Variants in ARHGAP6 observed in about 807,000 individuals in gnomAD.
ARHGAP6 encodes the protein rho GTPase-activating protein 6.
ARHGAP6 carries 16 observed loss-of-function variants against 55.7 expected under a neutral mutation model. That is an observed-to-expected ratio of 0.29 (90% CI 0.19 to 0.44). ARHGAP6 has a LOEUF of 0.44. Ranked by LOEUF, ARHGAP6 falls within the 20% of genes least tolerant of loss-of-function variation. ARHGAP6 has a pLI of 1.00. For missense variants in ARHGAP6, 698 were observed against 808.9 expected (o/e 0.86, Z 1.66); for synonymous variants, 382 against 360.9 (o/e 1.06, Z -0.66).
intron 1 of ARHGAP6, among the ~76,000 whole-genome samples, chrX:11,312,591 T>C (rs1296367561): frequency 1.8e-5 from 2 of 111,655 alleles, no homozygotes; most frequent in East Asian, 5.6e-4. Context: ...AATGTTTTGG[T>C]ATCCTAGCCT....
At chrX:11,380,112 C>G (rs2049245278) in intron 1 of ARHGAP6, among the ~76,000 whole-genome samples, 1 of 111,138 alleles carries the variant, frequency 9.0e-6, no homozygotes, top group South Asian at 3.8e-4. Context: ...TTATTTGGGC[C>G]AGTAAATACG....
At chrX:11,359,038 T>TA (rs1277142780) in intron 1 of ARHGAP6, among the ~76,000 whole-genome samples, 3 of 112,199 alleles carry the variant, frequency 2.7e-5, no homozygotes, top group Non-Finnish European at 5.6e-5. Context: ...ATTCTGTATG[T>TA]AAAAAAATGG....
intron 1 of ARHGAP6, among the ~76,000 whole-genome samples, chrX:11,548,032 T>TA (rs112050481): frequency 0.024 from 2,579 of 105,926 alleles, 82 homozygotes; most frequent in African/African-American, 0.082. Flanking sequence ...TGGAGAGCTG[T>TA]AAAAAAAAAA....
intron 2 of ARHGAP6, among the ~76,000 whole-genome samples, chrX:11,198,894 TC>T (rs2046580788): frequency 8.9e-6 from 1 of 112,290 alleles, no homozygotes; most frequent in Admixed American, 9.4e-5. Context: ...GCTTCCCTCC[TC>T]CTAGCCCCAG....
At chrX:11,243,964 G>A (rs369539501) in intron 2 of ARHGAP6, among the ~76,000 whole-genome samples, 1 of 111,489 alleles carries the variant, frequency 9.0e-6, no homozygotes, top group African/African-American at 3.3e-5. Flanking sequence ...ATTAAGTTTT[G>A]CACACTGTCA....
chrX:11,460,132 A>G (rs1342211618), intron 1 of ARHGAP6, among the ~76,000 whole-genome samples: 10 of 110,680 alleles, frequency 9.0e-5, no homozygotes. Context: ...TCCTATGATT[A>G]TATTACAGTG....
At chrX:11,448,808 A>G (rs933594780) in intron 1 of ARHGAP6, among the ~76,000 whole-genome samples, 1 of 111,160 alleles carries the variant, frequency 9.0e-6, no homozygotes, top group African/African-American at 3.3e-5. Context: ...AGCTCCCTGG[A>G]CACCCCTGCA....
At chrX:11,325,005 C>T (rs1396212262) in intron 1 of ARHGAP6, among the ~76,000 whole-genome samples, 2 of 110,868 alleles carry the variant, frequency 1.8e-5, no homozygotes, top group Admixed American at 9.6e-5. Context: ...ACTACAGGCG[C>T]CCGCCACCGC....
At position 11,664,283 on chromosome X, in the gene ARHGAP6, T is replaced by G. The variant is rs781490035; in HGVS notation, c.546A>C (p.Pro182=). The G allele has an allele frequency of 1.7e-6, 2 of 1,210,929 alleles. No homozygotes were observed. The highest frequency in any genetic ancestry group is 2.2e-6 in the Non-Finnish European group (2 of 895,135). Reference sequence around the variant, plus strand: ...CGTAGGGGTGCCCGCGACTGTCGGGTGGGGACTGGAACTTCCTCTGCTGGA... The same window carrying G: ...CGTAGGGGTGCCCGCGACTGTCGGGGGGGGACTGGAACTTCCTCTGCTGGA... The part of the protein sequence containing the change: ...RWLQQRKFQS[P]PDSRGHPYVV... Residue 182 remains proline (P), a synonymous_variant, in exon 1 of 13, where the codon CCA becomes CCC. Transcript: ENST00000337414.
intron 2 of ARHGAP6, among the ~76,000 whole-genome samples, chrX:11,253,056 T>C (rs983938493): frequency 9.0e-6 from 1 of 111,694 alleles, no homozygotes; most frequent in Non-Finnish European, 1.9e-5. Flanking sequence ...AGAATGTGAA[T>C]GTATGTGTGT....
At chrX:11,287,706 C>T (rs781182566) in intron 1 of ARHGAP6, among the ~76,000 whole-genome samples, 8 of 112,187 alleles carry the variant, frequency 7.1e-5, no homozygotes, top group Non-Finnish European at 1.3e-4. Context: ...TCTGCCCATT[C>T]CCGTTTCTCT....
intron 12 of ARHGAP6, 53 bp from the exon 13 acceptor site, chrX:11,139,583 C>CT (rs2045591968): frequency 3.7e-6 from 4 of 1,083,439 alleles, no homozygotes; most frequent in Non-Finnish European, 4.8e-6. Context: ...AGAATCCTTG[C>CT]TGGGGATTCA....
chrX:11,222,507 T>A (rs1192908100), intron 2 of ARHGAP6, among the ~76,000 whole-genome samples: 2 of 112,059 alleles, frequency 1.8e-5, no homozygotes, highest in African/African-American at 6.5e-5. Context: ...GATGTGAAAC[T>A]ATGTTTAGGA....
intron 1 of ARHGAP6, among the ~76,000 whole-genome samples, chrX:11,592,969 C>T (rs1162774625): frequency 9.0e-6 from 1 of 111,480 alleles, no homozygotes; most frequent in Non-Finnish European, 1.9e-5. Context: ...GAAGTAATGT[C>T]TCTGAGTACA....
intron 1 of ARHGAP6, among the ~76,000 whole-genome samples, chrX:11,503,291 T>C (rs2050699109): frequency 8.9e-6 from 1 of 111,783 alleles, no homozygotes; most frequent in Non-Finnish European, 1.9e-5. Context: ...TGAAGACTTC[T>C]TCAATAACCC....
chrX:11,466,086 A>C (rs752413430), intron 1 of ARHGAP6, among the ~76,000 whole-genome samples: 3 of 111,389 alleles, frequency 2.7e-5, no homozygotes, highest in Non-Finnish European at 5.7e-5. Context: ...AAAGGAAGTA[A>C]ACTTCTCCTT....
chrX:11,340,504 T>C (rs377365296), intron 1 of ARHGAP6, among the ~76,000 whole-genome samples: 7 of 109,695 alleles, frequency 6.4e-5, no homozygotes, highest in African/African-American at 1.7e-4. Flanking sequence ...CCGAGGCGGG[T>C]GGATCATGAG....
chrX:11,468,941 T>G (rs192800053), intron 1 of ARHGAP6, among the ~76,000 whole-genome samples: 1 of 112,583 alleles, frequency 8.9e-6, no homozygotes, highest in Admixed American at 9.4e-5. Flanking sequence ...ATGGAATTCA[T>G]GTCTTATAAA....
rs1162478640 is a variant in ARHGAP6, at chrX:11,551,175, G to A, written c.588+113066C>T. Among the ~76,000 whole-genome samples, 3 of 111,835 alleles carry A rather than the reference G, an allele frequency of 2.7e-5. No homozygotes were observed. The Admixed American group carries it at 2.8e-4, about 11-fold the overall frequency. ...TAAATGTCATGGACAACATCACAGT[G>A]TCTTCACTTTGCCATAATGGGTAGG... On this transcript the variant is annotated intron_variant, in intron 1 of 12. Coordinates refer to ENST00000337414, the MANE Select transcript of ARHGAP6 (RefSeq NM_013427.3).
Sources: gnomAD v4.1 joint callset for allele counts (sites outside exome capture counted in the v4.1 genomes callset) on GRCh38, gnomAD v4.1.1 for gene constraint, MANE v1.5 for transcripts, NCBI Gene and HGNC (gene_info 2026-07-23, HGNC 2026-07-21) for gene names.